Variants in ZNF385D observed in about 807,000 individuals in gnomAD.
ZNF385D encodes zinc finger protein 659.
ZNF385D carries 15 observed loss-of-function variants against 35.8 expected under a neutral mutation model. The ratio of observed to expected loss-of-function variants is 0.42; its 90% CI spans 0.28 to 0.64. ZNF385D has a LOEUF of 0.64. Ranked by LOEUF, ZNF385D falls within the 30% of genes least tolerant of loss-of-function variation. The pLI is 0.23. For synonymous variants in ZNF385D, 212 were observed against 186.8 expected (o/e 1.13, Z -1.10); for missense variants, 474 against 494.6 (o/e 0.96, Z 0.39).
Position 22,311,964 on chromosome 3 carries a change from C to T in ZNF385D, c.106+60486G>A, listed in dbSNP as rs532072364. On this transcript the variant is annotated intron_variant, in intron 2 of 5. Coordinates refer to the ZNF385D transcript ENST00000494108. ...CTACACAAAGTAGCCTCAGTTTATG[C>T]ATTATGCAACAAGACAACACTTGGA... Among the ~76,000 whole-genome samples, 556 of 152,214 alleles carry T rather than the reference C, an allele frequency of 3.7e-3. 4 individuals carry two copies. The highest frequency in any genetic ancestry group is 0.011 in the African/African-American group (473 of 41,532).
At chr3:21,908,119 TATCTATCTATC>T (rs1699779413) in intron 3 of ZNF385D, among the ~76,000 whole-genome samples, 1 of 26,802 alleles carries the variant, frequency 3.7e-5, no homozygotes, top group South Asian at 1.1e-3. Flanking sequence ...TTTCTCTCTA[TATCTATCTATC>T]TATCTATCTA....
chr3:21,675,226 A>C (rs2125296023), intron 1 of ZNF385D, among the ~76,000 whole-genome samples: 1 of 152,166 alleles, frequency 6.6e-6, no homozygotes, highest in Admixed American at 6.6e-5. Flanking sequence ...AAACACACTA[A>C]GTCCTAGGCT....
At chr3:22,251,640 C>T (rs1700069466) in intron 2 of ZNF385D, among the ~76,000 whole-genome samples, 1 of 152,054 alleles carries the variant, frequency 6.6e-6, no homozygotes, top group Non-Finnish European at 1.5e-5. Context: ...AATCCCTCCC[C>T]CATTTGTGAG....
chr3:21,755,234 C>A (rs903720661), upstream of ZNF385D, among the ~76,000 whole-genome samples: 1 of 152,136 alleles, frequency 6.6e-6, no homozygotes, highest in Admixed American at 6.5e-5. Flanking sequence ...ATCCAGTGTT[C>A]CTGATTTCAG....
intron 2 of ZNF385D, among the ~76,000 whole-genome samples, chr3:22,353,584 C>G (rs775197572): frequency 2.0e-5 from 3 of 152,052 alleles, no homozygotes; most frequent in Admixed American, 1.3e-4. Context: ...GTAGCACTAT[C>G]CCCCCTTCCT....
intron 3 of ZNF385D, among the ~76,000 whole-genome samples, chr3:21,923,687 C>A (rs1249506757): frequency 2.3e-5 from 3 of 132,716 alleles, no homozygotes; most frequent in African/African-American, 1.3e-4. Flanking sequence ...TAAAAAAGAA[C>A]AAAATTATGT....
At chr3:22,174,055 G>A (rs1188366469) in intron 2 of ZNF385D, among the ~76,000 whole-genome samples, 1 of 146,022 alleles carries the variant, frequency 6.8e-6, no homozygotes, top group Non-Finnish European at 1.5e-5. Flanking sequence ...CACACACAGA[G>A]ATATCCAAGC....
chr3:22,169,102 T>A, intron 2 of ZNF385D: 1 of 742,662 alleles, frequency 1.3e-6, no homozygotes, highest in Non-Finnish European at 1.6e-6. Flanking sequence ...ATTTATTAAA[T>A]TGGGTGGCAA....
chr3:21,976,845 G>A (rs1440164601), intron 3 of ZNF385D, among the ~76,000 whole-genome samples: 1 of 152,150 alleles, frequency 6.6e-6, no homozygotes, highest in Non-Finnish European at 1.5e-5. Context: ...ACAAAAATTA[G>A]CCAGTTGTGT....
chr3:21,706,856 AT>A (rs1220096551), intron 1 of ZNF385D, among the ~76,000 whole-genome samples: 2 of 146,874 alleles, frequency 1.4e-5, no homozygotes, highest in African/African-American at 5.0e-5. Flanking sequence ...AGATAGATAA[AT>A]AGATTAGACA....
intron 3 of ZNF385D, among the ~76,000 whole-genome samples, chr3:21,541,977 A>G (rs905757752): frequency 2.0e-5 from 3 of 152,234 alleles, no homozygotes; most frequent in Non-Finnish European, 4.4e-5. Context: ...CATAGCTAAT[A>G]AAGATTTCAT....
At chr3:22,276,556 G>A (rs1701439221) in intron 2 of ZNF385D, among the ~76,000 whole-genome samples, 1 of 152,128 alleles carries the variant, frequency 6.6e-6, no homozygotes, top group Non-Finnish European at 1.5e-5. Flanking sequence ...GATGACGATG[G>A]CACATTTCTT....
intron 3 of ZNF385D, among the ~76,000 whole-genome samples, chr3:21,763,030 C>T (rs1177627896): frequency 1.3e-5 from 2 of 152,060 alleles, no homozygotes. Context: ...TCAACAAATG[C>T]TTGGTAGGAT....
At chr3:21,494,627 C>T (rs1168700583) in intron 4 of ZNF385D, among the ~76,000 whole-genome samples, 1 of 152,112 alleles carries the variant, frequency 6.6e-6, no homozygotes, top group Non-Finnish European at 1.5e-5. Flanking sequence ...TAACTCAGAA[C>T]CTGGTTTCTT....
chr3:22,225,246 G>A (rs887968686), intron 2 of ZNF385D, among the ~76,000 whole-genome samples: 1 of 152,058 alleles, frequency 6.6e-6, no homozygotes, highest in African/African-American at 2.4e-5. Context: ...AGAGTATGTA[G>A]CAGACACTGT....
intron 2 of ZNF385D, among the ~76,000 whole-genome samples, chr3:22,235,253 A>G (rs1272238139): frequency 2.0e-5 from 3 of 152,164 alleles, no homozygotes; most frequent in Non-Finnish European, 2.9e-5. Context: ...CTCAAAAAGA[A>G]TAATTTGCCT....
chr3:22,162,243 A>G (rs936991346), intron 3 of ZNF385D, among the ~76,000 whole-genome samples: 2 of 152,134 alleles, frequency 1.3e-5, no homozygotes, highest in African/African-American at 4.8e-5. Context: ...ATTTTACCCC[A>G]AAATATATTT....
intron 2 of ZNF385D, among the ~76,000 whole-genome samples, chr3:21,638,246 T>G (rs1270759624): frequency 1.3e-5 from 2 of 152,084 alleles, no homozygotes; most frequent in African/African-American, 4.8e-5. Context: ...GTTTCTGCAC[T>G]TCTGAGAAAA....
At chr3:21,621,657 C>T (rs1052966189) in intron 2 of ZNF385D, among the ~76,000 whole-genome samples, 6 of 146,584 alleles carry the variant, frequency 4.1e-5, no homozygotes, top group African/African-American at 1.5e-4. Flanking sequence ...GAAATGTCCA[C>T]TTGGCTAATA....
Sources: allele counts gnomAD v4.1 joint callset (sites outside exome capture counted in the v4.1 genomes callset), GRCh38; gene constraint gnomAD v4.1.1; transcripts MANE v1.5; gene names NCBI Gene and HGNC (gene_info 2026-07-23, HGNC 2026-07-21).